Variants in PLXNC1 observed in about 807,000 individuals in gnomAD.
The protein encoded by PLXNC1 is plexin-C1.
PLXNC1 carries 75 observed loss-of-function variants against 178.2 expected under a neutral mutation model. The observed-to-expected ratio is 0.42, with a 90% CI of 0.35 to 0.51. The LOEUF (loss-of-function observed/expected upper bound fraction) is 0.51. PLXNC1 is among the 20% of genes least tolerant of loss of function. The pLI, the probability that PLXNC1 is intolerant of heterozygous loss-of-function variation, is 0.02. For synonymous variants in PLXNC1, 790 were observed against 779.9 expected (o/e 1.01, Z -0.22); for missense variants, 1,503 against 1,984.4 (o/e 0.76, Z 4.61).
chr12:94,291,164 G>C (rs1387721531), intron 23 of PLXNC1, among the ~76,000 whole-genome samples: 1 of 152,210 alleles, frequency 6.6e-6, no homozygotes, highest in African/African-American at 2.4e-5. Context: ...AACTCCAAAA[G>C]AGGCAATATA....
At chr12:94,202,021 A>C (rs1193506603) in intron 4 of PLXNC1, among the ~76,000 whole-genome samples, 1 of 151,838 alleles carries the variant, frequency 6.6e-6, no homozygotes, top group Non-Finnish European at 1.5e-5. Context: ...GGCCTCCCAA[A>C]GTGCTGGGAT....
chr12:94,292,657 GAATT>G (rs1236793188), intron 23 of PLXNC1, among the ~76,000 whole-genome samples: 4 of 152,132 alleles, frequency 2.6e-5, no homozygotes, highest in Non-Finnish European at 5.9e-5. Context: ...TTTAAACACA[GAATT>G]TATTTATGTT....
At chr12:94,153,012 C>T (rs1280732297) in intron 1 of PLXNC1, among the ~76,000 whole-genome samples, 5 of 152,224 alleles carry the variant, frequency 3.3e-5, no homozygotes, top group South Asian at 2.1e-4. Context: ...CTAAGGCAAC[C>T]GATTTCTGTA....
chr12:94,270,723 T>C (rs1476849449), intron 21 of PLXNC1, among the ~76,000 whole-genome samples: 1 of 152,086 alleles, frequency 6.6e-6, no homozygotes, highest in African/African-American at 2.4e-5. Flanking sequence ...ATAGAAAAAT[T>C]GGTGAGAGAA....
chr12:94,262,707 T>A, intron 20 of PLXNC1: 2 of 985,426 alleles, frequency 2.0e-6, no homozygotes, highest in South Asian at 9.4e-5. Flanking sequence ...ACAGCCCTAG[T>A]CCTCCTGTCC....
intron 22 of PLXNC1, among the ~76,000 whole-genome samples, chr12:94,280,494 T>C (rs1424630225): frequency 3.3e-5 from 5 of 152,318 alleles, no homozygotes; most frequent in Admixed American, 2.0e-4. Flanking sequence ...GATAAAGCCT[T>C]GAGGCAGGGT....
intron 4 of PLXNC1, among the ~76,000 whole-genome samples, chr12:94,196,066 T>TGATTGCCCTGAAGG (rs1466759196): frequency 6.6e-6 from 1 of 152,190 alleles, no homozygotes; most frequent in African/African-American, 2.4e-5. Flanking sequence ...ACCAGGACTG[T>TGATTGCCCTGAAGG]GATTGCCCTG....
At chr12:94,167,978 T>C (rs1043701034) in intron 1 of PLXNC1, 1 of 152,180 alleles carries the variant, frequency 6.6e-6, no homozygotes. Context: ...CCATAATCCA[T>C]TTAGTTTAGA....
chr12:94,267,663 C>T (rs77148969), intron 21 of PLXNC1, among the ~76,000 whole-genome samples: 8,198 of 152,244 alleles, frequency 0.054, 330 homozygotes, highest in African/African-American at 0.1. Context: ...CCCAGCCCCC[C>T]TTTCATGGTT....
intron 1 of PLXNC1, 54 bp downstream of exon 1, chr12:94,150,087 C>A: frequency 7.1e-7 from 1 of 1,402,844 alleles, no homozygotes; most frequent in Non-Finnish European, 9.5e-7. Flanking sequence ...GGAGCCGCCG[C>A]CGCCGCCGAG....
At chr12:94,298,903 A>G (rs951223693) in intron 27 of PLXNC1, 108 bp downstream of exon 27, 1 of 1,083,062 alleles carries the variant, frequency 9.2e-7, no homozygotes, top group African/African-American at 1.6e-5. Flanking sequence ...CTATATCAGA[A>G]TCTTTGGGCT....
chr12:94,176,872 A>G (rs1241897588), intron 2 of PLXNC1, among the ~76,000 whole-genome samples: 1 of 151,910 alleles, frequency 6.6e-6, no homozygotes, highest in African/African-American at 2.4e-5. Flanking sequence ...ATATATGTAC[A>G]TATTTCATAT....
At position 94,305,363 on chromosome 12, in the gene PLXNC1, G is replaced by A; in HGVS notation, c.*78G>A. On this transcript the variant is annotated 3_prime_UTR_variant, in exon 31 of 31. Transcript: ENST00000258526. ...AAAATGGCTGCTTGAGCTACTCTGTGTCGTTAATTTGTTGTTTGCACATAG... is the reference window on the plus strand; with the variant it reads ...AAAATGGCTGCTTGAGCTACTCTGTATCGTTAATTTGTTGTTTGCACATAG... 1.3e-6 allele frequency: 1 copy of A among 798,654 alleles called. No individual in the cohort carries two copies. The highest frequency in any genetic ancestry group is 2.4e-5 in the Admixed American group (1 of 42,360). 49.5% of individuals were successfully genotyped at this position (798,654 alleles called of 1,614,324 possible).
rs117400672 is a variant in PLXNC1, at chr12:94,284,709, T to C, written c.3879+2308T>C. ...AGATTCGGACCTGGATAGTTGGCTG[T>C]AGGGTCTGTGGCTGAACCAGTCCAT... is the stretch of plus-strand genomic sequence containing the variant. On this transcript the variant is annotated intron_variant, in intron 23 of 30. Transcript: ENST00000258526. 5.7e-3 allele frequency among the ~76,000 whole-genome samples: 864 copies of C among 152,082 alleles called. 8 individuals carry two copies. The highest frequency in any genetic ancestry group is 8.4e-3 in the Non-Finnish European group (572 of 67,974).
At chr12:94,230,300 G>A (rs1485596101) in intron 9 of PLXNC1, among the ~76,000 whole-genome samples, 1 of 152,150 alleles carries the variant, frequency 6.6e-6, no homozygotes, top group Non-Finnish European at 1.5e-5. Flanking sequence ...TTATCGCTGA[G>A]TCGTGGTCCA....
At chr12:94,177,129 GTATATATA>G (rs1555195605) in intron 2 of PLXNC1, among the ~76,000 whole-genome samples, 3 of 82,920 alleles carry the variant, frequency 3.6e-5, no homozygotes, top group Non-Finnish European at 5.1e-5. Flanking sequence ...GTGTGTGTGT[GTATATATA>G]TGTGTGTGTG....
chr12:94,155,250 G>A (rs1441678254), intron 1 of PLXNC1, among the ~76,000 whole-genome samples: 2 of 152,204 alleles, frequency 1.3e-5, no homozygotes, highest in South Asian at 4.1e-4. Context: ...GCTTTATGCT[G>A]TAGGCAGTGG....
At chr12:94,269,233 C>G (rs1965432090) in intron 21 of PLXNC1, among the ~76,000 whole-genome samples, 1 of 152,176 alleles carries the variant, frequency 6.6e-6, no homozygotes, top group African/African-American at 2.4e-5. Context: ...TCTTGGCACC[C>G]TGGAAAACTG....
At chr12:94,238,472 T>C (rs1964298599) in intron 10 of PLXNC1, among the ~76,000 whole-genome samples, 1 of 141,438 alleles carries the variant, frequency 7.1e-6, no homozygotes, top group African/African-American at 2.9e-5. Flanking sequence ...CTTGTGCAAA[T>C]GGTTACTCCC....
Sources: gnomAD v4.1 joint callset for allele counts (sites outside exome capture counted in the v4.1 genomes callset) on GRCh38, gnomAD v4.1.1 for gene constraint, MANE v1.5 for transcripts, NCBI Gene and HGNC (gene_info 2026-07-23, HGNC 2026-07-21) for gene names.